Variants in EXT1 observed in about 807,000 individuals in gnomAD.
The protein encoded by EXT1 is exostosin glycosyltransferase 1, also known as exostosin-1.
EXT1 carries 20 observed loss-of-function variants against 82.5 expected under a neutral mutation model. The ratio of observed to expected loss-of-function variants is 0.24; its 90% CI spans 0.17 to 0.35. The LOEUF (loss-of-function observed/expected upper bound fraction) is 0.35, where lower values mean the gene tolerates loss of function less well. EXT1 is among the 10% of genes least tolerant of loss of function. The probability of loss-of-function intolerance (pLI) is 1.00; values close to 1 mark genes in which losing one functional copy is unlikely to be tolerated. For synonymous variants in EXT1, 348 were observed against 350.8 expected (o/e 0.99, Z 0.09); for missense variants, 757 against 936.5 (o/e 0.81, Z 2.50).
intron 1 of EXT1, among the ~76,000 whole-genome samples, chr8:117,959,076 C>G (rs908465888): frequency 2.0e-5 from 3 of 152,198 alleles, no homozygotes; most frequent in African/African-American, 7.2e-5. Flanking sequence ...GGTCCAACTC[C>G]ACACTTCCTC....
intron 1 of EXT1, among the ~76,000 whole-genome samples, chr8:117,912,493 GTCT>G (rs1813666708): frequency 6.6e-6 from 1 of 151,998 alleles, no homozygotes; most frequent in Non-Finnish European, 1.5e-5. Flanking sequence ...AATTTCAGTG[GTCT>G]TCTTTGTTGG....
At chr8:117,845,555 GT>G (rs1431826279) in intron 1 of EXT1, among the ~76,000 whole-genome samples, 2 of 10,902 alleles carry the variant, frequency 1.8e-4, no homozygotes, top group Non-Finnish European at 2.3e-3. Context: ...ATAAAAGTAA[GT>G]AAAAAAAAAA....
intron 1 of EXT1, among the ~76,000 whole-genome samples, chr8:117,918,861 G>T (rs1044610865): frequency 2.0e-5 from 3 of 152,160 alleles, no homozygotes; most frequent in African/African-American, 7.2e-5. Context: ...TATTACATAT[G>T]AGAATATCCA....
intron 1 of EXT1, among the ~76,000 whole-genome samples, chr8:118,008,084 C>T (rs114854824): frequency 0.012 from 1,775 of 152,222 alleles, 35 homozygotes; most frequent in African/African-American, 0.039. Flanking sequence ...CAACCCCCGA[C>T]AGGCCCAGGG....
At chr8:117,864,050 G>A (rs544344323) in intron 1 of EXT1, among the ~76,000 whole-genome samples, 2 of 152,238 alleles carry the variant, frequency 1.3e-5, no homozygotes, top group East Asian at 3.9e-4. Flanking sequence ...TTCCTGCACT[G>A]ACATATTAGC....
intron 1 of EXT1, among the ~76,000 whole-genome samples, chr8:118,052,649 C>T (rs1050694894): frequency 6.6e-6 from 1 of 152,214 alleles, no homozygotes; most frequent in African/African-American, 2.4e-5. Context: ...TTAATAGCCA[C>T]CTCTCCAAAA....
At chr8:118,046,650 C>A (rs1040304418) in intron 1 of EXT1, among the ~76,000 whole-genome samples, 1 of 152,140 alleles carries the variant, frequency 6.6e-6, no homozygotes, top group Non-Finnish European at 1.5e-5. Context: ...GAAAATTAAA[C>A]CTAGAATTAC....
At chr8:117,879,440 TG>T (rs1050265707) in intron 1 of EXT1, among the ~76,000 whole-genome samples, 14 of 150,186 alleles carry the variant, frequency 9.3e-5, no homozygotes, top group African/African-American at 3.4e-4. Context: ...CCTTTCCACA[TG>T]AAAAAAAAAA....
At chr8:118,015,439 G>A (rs918588973) in intron 1 of EXT1, among the ~76,000 whole-genome samples, 5 of 152,002 alleles carry the variant, frequency 3.3e-5, no homozygotes, top group East Asian at 1.9e-4. Context: ...AAAATTCCAC[G>A]ATCTAAAGTT....
chr8:117,904,069 T>C (rs1813500334), intron 1 of EXT1, among the ~76,000 whole-genome samples: 1 of 152,232 alleles, frequency 6.6e-6, no homozygotes, highest in African/African-American at 2.4e-5. Context: ...CAGGAACTTC[T>C]GGTTCTGCTA....
chr8:118,060,072 A>G (rs993777322), intron 1 of EXT1, among the ~76,000 whole-genome samples: 1 of 152,224 alleles, frequency 6.6e-6, no homozygotes, highest in Admixed American at 6.5e-5. Context: ...ACTTGCTACC[A>G]CAGAGCGCTC....
chr8:117,921,435 G>A (rs1813853157), intron 1 of EXT1, among the ~76,000 whole-genome samples: 1 of 152,172 alleles, frequency 6.6e-6, no homozygotes, highest in Non-Finnish European at 1.5e-5. Context: ...TTTACTGAAG[G>A]AAACATTAGA....
chr8:118,110,007 T>C (rs1586279218), intron 1 of EXT1, 78 bp downstream of exon 1: 2 of 1,582,966 alleles, frequency 1.3e-6, no homozygotes, highest in African/African-American at 1.7e-5. Context: ...CCTCACCCCA[T>C]CCCCCAACTT....
chr8:117,885,697 G>C (rs1013554242), intron 1 of EXT1, among the ~76,000 whole-genome samples: 9 of 152,082 alleles, frequency 5.9e-5, no homozygotes, highest in African/African-American at 2.2e-4. Context: ...TTTTCTTCCT[G>C]TCCTGTCTCT....
rs60354141 is a variant in EXT1 at position 118,002,528 on chromosome 8, C to CTTTTT, written c.962+107552_962+107556dup. 4.9e-3 allele frequency among the ~76,000 whole-genome samples: 430 copies of CTTTTT among 87,082 alleles called. 10 individuals carry two copies. The highest frequency in any genetic ancestry group is 9.8e-3 in the South Asian group (23 of 2,352). 57.1% of individuals were successfully genotyped at this position (87,082 alleles called of 152,430 possible). On this transcript the variant is annotated intron_variant, in intron 1 of 10. Transcript: ENST00000378204. ...TATGGAAAACAGTGTGAATATTTTT[C>CTTTTT]TTTTTTTTTTTTTTTTTTTTTGAGA...
chr8:118,051,791 A>G (rs1215514795), intron 1 of EXT1, among the ~76,000 whole-genome samples: 1 of 152,194 alleles, frequency 6.6e-6, no homozygotes, highest in Admixed American at 6.5e-5. Flanking sequence ...ATCAAGCACT[A>G]AATTGCTCCT....
At chr8:117,998,246 T>G (rs1815589274) in intron 1 of EXT1, among the ~76,000 whole-genome samples, 1 of 152,072 alleles carries the variant, frequency 6.6e-6, no homozygotes, top group South Asian at 2.1e-4. Flanking sequence ...ACTCCTGACC[T>G]CGTGATCCAC....
intron 5 of EXT1, among the ~76,000 whole-genome samples, chr8:117,821,786 C>T (rs921895435): frequency 2.0e-5 from 3 of 152,130 alleles, no homozygotes; most frequent in Non-Finnish European, 4.4e-5. Context: ...GGGAAATGTT[C>T]ATGATGTTTC....
intron 1 of EXT1, among the ~76,000 whole-genome samples, chr8:117,859,865 G>A (rs1253984451): frequency 6.6e-6 from 1 of 152,156 alleles, no homozygotes; most frequent in Non-Finnish European, 1.5e-5. Flanking sequence ...ATGAAAATGA[G>A]GCTGGGCACA....
Sources: gnomAD v4.1 joint callset for allele counts (sites outside exome capture counted in the v4.1 genomes callset) on GRCh38, gnomAD v4.1.1 for gene constraint, MANE v1.5 for transcripts, NCBI Gene and HGNC (gene_info 2026-07-23, HGNC 2026-07-21) for gene names.